SCN10A: variants seen among roughly 807,000 people sequenced by gnomAD.
SCN10A encodes sodium voltage-gated channel alpha subunit 10.
In SCN10A, 162 loss-of-function variants were observed where a neutral mutation model predicts 170.7. That is an observed-to-expected ratio of 0.95 (90% CI 0.84 to 1.08). The LOEUF is 1.08. Among genes scored for constraint, SCN10A ranks in the 50% least tolerant of loss-of-function variants. SCN10A has a pLI of 0.00. For missense variants in SCN10A, 2,527 were observed against 2,436.9 expected (o/e 1.04, Z -0.78); for synonymous variants, 985 against 904.6 (o/e 1.09, Z -1.59).
chr3:38,726,555 C>A, intron 17 of SCN10A, 51 bp downstream of exon 17: 1 of 1,447,442 alleles, frequency 6.9e-7, no homozygotes, highest in Middle Eastern at 1.8e-4. Flanking sequence ...TCACTCAAGC[C>A]CTGAAGCCCC....
At chr3:38,761,157 C>T (rs367566025) in intron 7 of SCN10A, 35 bp downstream of exon 7, 71 of 1,480,436 alleles carry the variant, frequency 4.8e-5, no homozygotes, top group Non-Finnish European at 6.6e-5. Context: ...AGGGTCCAAC[C>T]AGACCTTGGT....
intron 1 of SCN10A, among the ~76,000 whole-genome samples, chr3:38,808,260 TC>T (rs2064418115): frequency 7.2e-6 from 1 of 138,060 alleles, no homozygotes; most frequent in Admixed American, 7.3e-5. Context: ...TCTCTCTCTC[TC>T]AGCAATGCTT....
intron 1 of SCN10A, among the ~76,000 whole-genome samples, chr3:38,809,846 T>C (rs2064428327): frequency 6.6e-6 from 1 of 152,136 alleles, no homozygotes; most frequent in East Asian, 1.9e-4. Flanking sequence ...TATTATATGG[T>C]TCCAACCATG....
chr3:38,787,292 A>G (rs558791264), intron 4 of SCN10A, among the ~76,000 whole-genome samples: 42 of 152,140 alleles, frequency 2.8e-4, no homozygotes, highest in Admixed American at 5.2e-4. Context: ...GCCAGTGTAA[A>G]TGGTATTTTT....
intron 15 of SCN10A, among the ~76,000 whole-genome samples, chr3:38,733,041 G>T (rs1559430772): frequency 6.6e-6 from 1 of 152,260 alleles, no homozygotes; most frequent in Non-Finnish European, 1.5e-5. Context: ...CAAGAGAAAG[G>T]CATGGGGAAA....
intron 14 of SCN10A, among the ~76,000 whole-genome samples, 199 bp from the exon 15 acceptor site, chr3:38,739,887 TCAGGGGCTGTG>T (rs1332904826): frequency 2.0e-5 from 3 of 152,234 alleles, no homozygotes; most frequent in African/African-American, 7.2e-5. Flanking sequence ...TGCACCATTC[TCAGGGGCTGTG>T]CATGCTGCAG....
At chr3:38,759,562 C>A (rs896301364) in intron 8 of SCN10A, among the ~76,000 whole-genome samples, 1 of 152,138 alleles carries the variant, frequency 6.6e-6, no homozygotes, top group Non-Finnish European at 1.5e-5. Context: ...AGGGTAGCAT[C>A]TTTATGTCTA....
intron 4 of SCN10A, among the ~76,000 whole-genome samples, chr3:38,772,834 C>G (rs1227516951): frequency 4.0e-5 from 6 of 151,818 alleles, no homozygotes; most frequent in African/African-American, 1.5e-4. Context: ...AAAGTACCTT[C>G]AAAGACAAAA....
chr3:38,709,536 A>C lies in SCN10A; in HGVS notation c.4223T>G (p.Phe1408Cys), dbSNP rs779723844. The part of the protein sequence containing the change: ...FVIFIIFGGF[F>C]TLNLFVGVII... ...GACCCCAACAAAGAGATTCAGTGTGAAGAAGCCTCCAAAAATGATGAAGAT... is the reference window on the plus strand; with the variant it reads ...GACCCCAACAAAGAGATTCAGTGTGCAGAAGCCTCCAAAAATGATGAAGAT... The change falls in exon 25 of 28, where the codon TTC (phenylalanine) becomes TGC (cysteine). Residue 1408 changes from phenylalanine to cysteine, a missense_variant. Physicochemically the swap from Phe to Cys is radical, Grantham distance 205. Transcript: ENST00000449082. The C allele has an allele frequency of 1.2e-6, 2 of 1,613,362 alleles. No homozygotes were observed. The highest frequency in any genetic ancestry group is 1.7e-6 in the Non-Finnish European group (2 of 1,179,672).
chr3:38,753,139 T>C (rs2063767491), intron 11 of SCN10A, among the ~76,000 whole-genome samples: 1 of 152,240 alleles, frequency 6.6e-6, no homozygotes, highest in South Asian at 2.1e-4. Context: ...CCTAATTTCC[T>C]GGAAGAATAA....
At chr3:38,801,179 A>G (rs1215308640) in intron 1 of SCN10A, among the ~76,000 whole-genome samples, 1 of 152,026 alleles carries the variant, frequency 6.6e-6, no homozygotes, top group Non-Finnish European at 1.5e-5. Flanking sequence ...ACAATCATAA[A>G]CTCGCTATCT....
chr3:38,791,165 G>C (rs1049650250), intron 3 of SCN10A, among the ~76,000 whole-genome samples: 1 of 152,166 alleles, frequency 6.6e-6, no homozygotes, highest in Non-Finnish European at 1.5e-5. Flanking sequence ...ACTGAGGCAG[G>C]TGTATTCTTG....
At chr3:38,760,636 A>C (rs764550997) in intron 8 of SCN10A, 45 bp downstream of exon 8, 1 of 1,434,594 alleles carries the variant, frequency 7.0e-7, no homozygotes, top group East Asian at 2.3e-5. Flanking sequence ...AAGATGGAGA[A>C]GGAATTGTTG....
intron 27 of SCN10A, 21 bp from the exon 28 acceptor site, chr3:38,698,583 T>G: frequency 7.6e-5 from 115 of 1,517,298 alleles, no homozygotes; most frequent in Non-Finnish European, 9.5e-5. Context: ...AGGAAGAAAT[T>G]ATCTAATTAG....
At chr3:38,763,941 T>A (rs1203249516) in intron 5 of SCN10A, among the ~76,000 whole-genome samples, 2 of 152,214 alleles carry the variant, frequency 1.3e-5, no homozygotes, top group Non-Finnish European at 2.9e-5. Context: ...TCTGATCCAC[T>A]GTGACAGGCT....
At chr3:38,813,411 C>T (rs1189413313) in intron 1 of SCN10A, among the ~76,000 whole-genome samples, 1 of 152,172 alleles carries the variant, frequency 6.6e-6, no homozygotes, top group African/African-American at 2.4e-5. Context: ...GTCTCAGTTT[C>T]TTTATATATA....
Position 38,772,418 on chromosome 3 carries a change from T to G in SCN10A, c.471-1011A>C, listed in dbSNP as rs140620366. Among the ~76,000 whole-genome samples, 943 of 151,966 alleles carry G rather than the reference T, an allele frequency of 6.2e-3. 8 individuals are homozygous for G. The highest frequency in any genetic ancestry group is 0.019 in the African/African-American group (789 of 41,476). ...AAATAAAACTGTATTGGCCAGGCGC[T>G]GTGGCTCACGCCTGTAATCGCAGCA... On this transcript the variant is annotated intron_variant, in intron 4 of 27. Coordinates refer to ENST00000449082, the MANE Select transcript of SCN10A (RefSeq NM_006514.4).
intron 13 of SCN10A, among the ~76,000 whole-genome samples, chr3:38,746,063 G>GTATGTATATATATA (rs1553619551): frequency 3.2e-5 from 2 of 61,626 alleles, no homozygotes; most frequent in Admixed American, 1.9e-4. Context: ...GTGTGTATGT[G>GTATGTATATATATA]TATATATATA....
intron 4 of SCN10A, among the ~76,000 whole-genome samples, chr3:38,779,815 T>G (rs2064117508): frequency 6.6e-6 from 1 of 152,082 alleles, no homozygotes; most frequent in African/African-American, 2.4e-5. Flanking sequence ...TGGAAAGTCC[T>G]CTCATTTCAT....
Sources: allele counts gnomAD v4.1 joint callset (sites outside exome capture counted in the v4.1 genomes callset), GRCh38; gene constraint gnomAD v4.1.1; transcripts MANE v1.5; gene names NCBI Gene and HGNC (gene_info 2026-07-23, HGNC 2026-07-21).